Variants in ATP13A5 observed in about 807,000 individuals in gnomAD.
ATP13A5 encodes the protein ATPase 13A5.
ATP13A5 carries 149 observed loss-of-function variants against 150.2 expected under a neutral mutation model. That is an observed-to-expected ratio of 0.99 (90% CI 0.87 to 1.14). The LOEUF is 1.14. Ranked by LOEUF, ATP13A5 falls within the 50% of genes most tolerant of loss-of-function variation. ATP13A5 has a pLI of 0.00. For synonymous variants in ATP13A5, 497 were observed against 522.2 expected, an observed-to-expected ratio of 0.95 and a Z score of 0.66; for missense variants, 1,383 against 1,449.3, an observed-to-expected ratio of 0.95 and a Z score of 0.74.
chr3:193,320,359 T>C (rs1210568899), intron 16 of ATP13A5, among the ~76,000 whole-genome samples: 2 of 152,138 alleles, frequency 1.3e-5, no homozygotes, highest in South Asian at 2.1e-4. Context: ...TGGGGTACGG[T>C]GGTGGTGGAA....
At chr3:193,328,315 T>C (rs1008065108) in intron 12 of ATP13A5, among the ~76,000 whole-genome samples, 19 of 152,216 alleles carry the variant, frequency 1.2e-4, no homozygotes, top group African/African-American at 4.6e-4. Flanking sequence ...ACAAAGAAGG[T>C]GCTAACACAC....
chr3:193,357,964 T>A (rs1249184349), intron 5 of ATP13A5, among the ~76,000 whole-genome samples: 1 of 120,398 alleles, frequency 8.3e-6, no homozygotes, highest in Non-Finnish European at 1.7e-5. Flanking sequence ...TCATTTGTTA[T>A]TCATTCATTC....
intron 27 of ATP13A5, among the ~76,000 whole-genome samples, chr3:193,281,598 G>C (rs1447758163): frequency 6.6e-6 from 1 of 152,104 alleles, no homozygotes; most frequent in Non-Finnish European, 1.5e-5. Context: ...TTTTCATAAA[G>C]TTGAGCTTCT....
At chr3:193,307,398 T>C in intron 21 of ATP13A5, 29 bp from the exon 22 acceptor site, 1 of 1,612,760 alleles carries the variant, frequency 6.2e-7, no homozygotes, top group Non-Finnish European at 8.5e-7. Context: ...GAAGGATTAA[T>C]AGGTAAGAAA....
At chr3:193,374,220 G>A (rs189959049) in intron 1 of ATP13A5, among the ~76,000 whole-genome samples, 122 of 152,104 alleles carry the variant, frequency 8.0e-4, no homozygotes, top group African/African-American at 2.7e-3. Context: ...CATTGAGAAC[G>A]TTCCAGCCTT....
chr3:193,304,337 G>T (rs891361655), intron 23 of ATP13A5, among the ~76,000 whole-genome samples: 1 of 152,064 alleles, frequency 6.6e-6, no homozygotes, highest in Non-Finnish European at 1.5e-5. Context: ...AAGGACACAC[G>T]TGCAGACACC....
chr3:193,341,174 TCCC>T (rs1475807322), intron 9 of ATP13A5, among the ~76,000 whole-genome samples: 3 of 56,846 alleles, frequency 5.3e-5, no homozygotes, highest in African/African-American at 2.4e-4. Context: ...TCCCCCCCCC[TCCC>T]AAATGATATT....
chr3:193,334,995 C>G lies in ATP13A5; in HGVS notation c.1048G>C (p.Gly350Arg), dbSNP rs1306235543. Residue 350 changes from glycine (G) to arginine (R), a missense_variant, in exon 10 of 30, where the codon GGA becomes CGA. By Grantham distance (125) the Gly-to-Arg change is moderately radical. This residue lies in a region of ATP13A5 where 787 missense variants were observed against 771.9 expected (regional missense o/e 1.02). Transcript: ENST00000342358. ...GGCTTGACCTGGATAACTTCTGTTC[C>G]ACAGAAAAGGACGTGTTTCCTATAA... The part of the protein sequence containing the change: ...EDYRKHVLFC[G>R]TEVIQVKPSG... 3.1e-6 allele frequency: 5 copies of G among 1,613,936 alleles called. No individual in the cohort carries two copies. Among genetic ancestry groups the G allele is most frequent in the Non-Finnish European group, 4.2e-6 (5 of 1,179,812 alleles).
At chr3:193,344,873 C>T (rs1712272304) in intron 8 of ATP13A5, 130 bp downstream of exon 8, 3 of 897,832 alleles carry the variant, frequency 3.3e-6, no homozygotes, top group Non-Finnish European at 5.3e-6. Context: ...GGCTTCTTTG[C>T]CTCACCCTCG....
intron 12 of ATP13A5, among the ~76,000 whole-genome samples, 175 bp downstream of exon 12, chr3:193,330,948 C>T (rs1711605556): frequency 6.6e-6 from 1 of 152,156 alleles, no homozygotes; most frequent in South Asian, 2.1e-4. Context: ...CCTTAAGAGT[C>T]AGCAGAGCAG....
chr3:193,368,392 T>TTG (rs1286543236), intron 1 of ATP13A5, among the ~76,000 whole-genome samples: 33,692 of 147,098 alleles, frequency 0.23, 4,081 homozygotes, highest in East Asian at 0.54. Flanking sequence ...CTCTTCAGAC[T>TTG]TGTGTGTGTG....
At chr3:193,275,428 T>C (rs565966400) in intron 29 of ATP13A5, 126 bp from the exon 30 acceptor site, 3 of 1,077,070 alleles carry the variant, frequency 2.8e-6, no homozygotes, top group East Asian at 2.4e-5. Context: ...CTGTTGCATC[T>C]ACCTCTCCTT....
Position 193,363,405 on chromosome 3 carries a change from T to C in ATP13A5, c.238-23A>G, listed in dbSNP as rs369918379. On this transcript the variant is annotated intron_variant, in intron 2 of 29. Transcript: ENST00000342358. Reference sequence around the variant, plus strand: ...GTCCTGGAAAAGACAATCCAGTTCATGAAATTCTCAAGTGTTATTCAGTAA... The same window carrying C: ...GTCCTGGAAAAGACAATCCAGTTCACGAAATTCTCAAGTGTTATTCAGTAA... The C allele has an allele frequency of 3.7e-6, 6 of 1,603,676 alleles. No individual in the cohort carries two copies. The African/African-American group carries it at 4.0e-5, about 11-fold the overall frequency.
At chr3:193,322,768 T>G (rs1719331067) in intron 14 of ATP13A5, among the ~76,000 whole-genome samples, 194 bp from the exon 15 acceptor site, 1 of 152,218 alleles carries the variant, frequency 6.6e-6, no homozygotes, top group Admixed American at 6.5e-5. Context: ...TTGTAGAATG[T>G]CAAAAGCCAA....
At chr3:193,331,367 C>A (rs936970275) in intron 11 of ATP13A5, 56 bp from the exon 12 acceptor site, 3 of 1,499,284 alleles carry the variant, frequency 2.0e-6, no homozygotes, top group Non-Finnish European at 9.0e-7. Context: ...GACTGCCACC[C>A]TTCCTAGTGC....
At chr3:193,305,493 T>C in intron 23 of ATP13A5, 66 bp downstream of exon 23, 1 of 1,253,728 alleles carries the variant, frequency 8.0e-7, no homozygotes, top group Non-Finnish European at 1.2e-6. Flanking sequence ...TGTAGTTGAA[T>C]TCTGTCTGCA....
At position 193,322,515 on chromosome 3, in the gene ATP13A5, T is replaced by C; in HGVS notation, c.1734A>G (p.Ile578Met). The change falls in exon 15 of 30, where the codon ATA becomes ATG. Residue 578 changes from isoleucine (I) to methionine (M), a missense_variant. Transcript: ENST00000342358. ...CCTTACTGGCTTTTGGTCCTGGTTT[T>C]ATGATGTTTGAAACTGACGTCCCAA... Reference protein sequence around the residue: ...CKFGTSVSNIIKPGPKASKSP... With the variant: ...CKFGTSVSNIMKPGPKASKSP... 2 of 1,613,922 alleles carry C rather than the reference T, an allele frequency of 1.2e-6. No individual in the cohort carries two copies. Among genetic ancestry groups the C allele is most frequent in the Non-Finnish European group, 8.5e-7 (1 of 1,179,814 alleles).
intron 11 of ATP13A5, among the ~76,000 whole-genome samples, chr3:193,333,449 T>C (rs1444407615): frequency 6.6e-6 from 1 of 152,156 alleles, no homozygotes; most frequent in African/African-American, 2.4e-5. Flanking sequence ...CCTGACACCC[T>C]GTAGCTTAAA....
At chr3:193,291,492 C>T (rs1331151671) in intron 25 of ATP13A5, among the ~76,000 whole-genome samples, 5 of 152,014 alleles carry the variant, frequency 3.3e-5, no homozygotes, top group South Asian at 4.1e-4. Flanking sequence ...CAAGATGACT[C>T]ATGGTGGGAA....
Sources: allele counts gnomAD v4.1 joint callset (sites outside exome capture counted in the v4.1 genomes callset), GRCh38; gene constraint gnomAD v4.1.1; regional missense constraint gnomAD v4.1.1; transcripts MANE v1.5; gene names NCBI Gene and HGNC (gene_info 2026-07-23, HGNC 2026-07-21).